Variants in USP15 observed in about 807,000 individuals in gnomAD.
USP15 encodes the protein ubiquitin carboxyl-terminal hydrolase 15.
Under a neutral mutation model 127.1 loss-of-function variants are expected in USP15, and 18 were observed. That is an observed-to-expected ratio of 0.14 (90% CI 0.10 to 0.21). The LOEUF (loss-of-function observed/expected upper bound fraction) is 0.21. USP15 is among the 10% of genes least tolerant of loss of function. The pLI is 1.00. For missense variants in USP15, 805 were observed against 1,159.9 expected (o/e 0.69, Z 4.44); for synonymous variants, 364 against 393.7 (o/e 0.92, Z 0.89).
chr12:62,262,516 A>T (rs1446296135), intron 1 of USP15, among the ~76,000 whole-genome samples: 1 of 152,222 alleles, frequency 6.6e-6, no homozygotes, highest in Non-Finnish European at 1.5e-5. Context: ...ACGTTTTTGT[A>T]TATAGAGTAA....
At chr12:62,296,681 C>T (rs1430547686) in intron 2 of USP15, among the ~76,000 whole-genome samples, 3 of 152,114 alleles carry the variant, frequency 2.0e-5, no homozygotes, top group Admixed American at 2.0e-4. Flanking sequence ...ACCCAAGATC[C>T]AGTTAAGAAT....
chr12:62,324,796 A>G (rs1042556729), intron 5 of USP15, among the ~76,000 whole-genome samples: 2 of 152,008 alleles, frequency 1.3e-5, no homozygotes, highest in African/African-American at 4.8e-5. Context: ...TTTTATTGTT[A>G]CATATACTCT....
At position 62,384,167 on chromosome 12, in the gene USP15, A is replaced by G; in HGVS notation, c.1338A>G (p.Leu446=). 6.2e-7 allele frequency: 1 copy of G among 1,613,012 alleles called. No individual in the cohort carries two copies. Among genetic ancestry groups the G allele is most frequent in the Non-Finnish European group, 8.5e-7 (1 of 1,179,294 alleles). Residue 446 remains leucine, a synonymous_variant, in exon 11 of 22, where the codon TTA becomes TTG. Coordinates refer to ENST00000280377, the MANE Select transcript of USP15 (RefSeq NM_001252078.2). ...TTCATGGCCTTTTCAAATCAACTTT[A>G]GTTTGTCCTGAGTGTGCTAAGATTT... ...DIFHGLFKST[L]VCPECAKISV...
At chr12:62,317,848 T>A (rs2064875292) in intron 4 of USP15, among the ~76,000 whole-genome samples, 1 of 152,214 alleles carries the variant, frequency 6.6e-6, no homozygotes, top group South Asian at 2.1e-4. Flanking sequence ...TGCCTTCAAA[T>A]GTTTTCTGCC....
intron 20 of USP15, 33 bp downstream of exon 20, chr12:62,396,431 A>G (rs774369556): frequency 1.3e-6 from 2 of 1,585,280 alleles, no homozygotes; most frequent in Admixed American, 1.7e-5. Context: ...TACCCAAATC[A>G]TGGTGTTTGA....
intron 8 of USP15, among the ~76,000 whole-genome samples, chr12:62,363,070 A>G (rs540250837): frequency 2.6e-4 from 39 of 152,166 alleles, no homozygotes; most frequent in Non-Finnish European, 4.1e-4. Flanking sequence ...AAGCCAGATC[A>G]TATAGGGAGA....
chr12:62,274,411 A>G (rs1458939177), intron 1 of USP15: 2 of 64,726 alleles, frequency 3.1e-5, no homozygotes, highest in Non-Finnish European at 6.9e-5. Context: ...TGTACAAATC[A>G]GCAACAACAA....
chr12:62,381,799 T>C, intron 9 of USP15, 136 bp downstream of exon 9: 5 of 692,222 alleles, frequency 7.2e-6, no homozygotes, highest in Non-Finnish European at 9.0e-6. Context: ...CATAAATAGA[T>C]ATACAGTACA....
chr12:62,286,775 TA>T (rs2063800094), intron 1 of USP15, among the ~76,000 whole-genome samples: 1 of 151,794 alleles, frequency 6.6e-6, no homozygotes. Flanking sequence ...CCGTCTCTAT[TA>T]AAAATACAAA....
intron 20 of USP15, among the ~76,000 whole-genome samples, chr12:62,398,288 T>C (rs939188873): frequency 6.6e-6 from 1 of 152,160 alleles, no homozygotes; most frequent in African/African-American, 2.4e-5. Flanking sequence ...CCACGACACC[T>C]GGCTTGTATG....
At chr12:62,336,240 C>T (rs1164566843) in intron 6 of USP15, 1 of 985,312 alleles carries the variant, frequency 1.0e-6, no homozygotes, top group African/African-American at 1.7e-5. Flanking sequence ...TATTTCTAGA[C>T]TAGACCACTT....
Position 62,381,804 on chromosome 12 carries a change from A to G in USP15, c.1089+141A>G, listed in dbSNP as rs2066999015. 3 of 634,974 alleles carry G rather than the reference A, an allele frequency of 4.7e-6. No individual in the cohort carries two copies. In the East Asian group the frequency reaches 9.1e-5, roughly 19 times the overall value. 39.3% of individuals were successfully genotyped at this position (634,974 alleles called of 1,614,324 possible). A position where few individuals can be genotyped will look rare whatever the true frequency, so the allele number is the denominator to read the frequency against. ...GAACACAGTACATAAATAGATATAC[A>G]GTACATCTGTGATATAAAATTTAGG... is the stretch of plus-strand genomic sequence containing the variant. On this transcript the variant is annotated intron_variant, in intron 9 of 21. Transcript: ENST00000280377.
Position 62,406,596 on chromosome 12 carries a change from A to C in USP15, c.*2221A>C, listed in dbSNP as rs1208724266. 6.6e-6 allele frequency: 1 copy of C among 152,146 alleles called. No individual in the cohort carries two copies. The highest frequency in any genetic ancestry group is 2.4e-5 in the African/African-American group (1 of 41,426). 9.4% of individuals were successfully genotyped at this position (152,146 alleles called of 1,614,324 possible). On this transcript the variant is annotated 3_prime_UTR_variant, in exon 22 of 22. Coordinates refer to ENST00000280377, the MANE Select transcript of USP15 (RefSeq NM_001252078.2). ...ATGCCATTGAAACTGCCAAACTCAAATGTCATTTTTCAGCTGCAAGAAGTA... is the reference window on the plus strand; with the variant it reads ...ATGCCATTGAAACTGCCAAACTCAACTGTCATTTTTCAGCTGCAAGAAGTA...
chr12:62,265,821 G>C (rs1471911395), intron 1 of USP15, among the ~76,000 whole-genome samples: 1 of 152,078 alleles, frequency 6.6e-6, no homozygotes, highest in African/African-American at 2.4e-5. Context: ...ATTAATAGCT[G>C]GGATTACAGG....
intron 3 of USP15, among the ~76,000 whole-genome samples, chr12:62,305,056 G>C (rs1002285655): frequency 1.3e-5 from 2 of 152,004 alleles, no homozygotes; most frequent in Non-Finnish European, 2.9e-5. Flanking sequence ...ACAGAAAAAA[G>C]CTAAGGCATA....
At chr12:62,323,381 G>A (rs534294718) in intron 5 of USP15, among the ~76,000 whole-genome samples, 160 of 152,064 alleles carry the variant, frequency 1.1e-3, no homozygotes, top group Non-Finnish European at 5.9e-4. Context: ...TCTGAGTTGT[G>A]GAAAAATTCA....
rs1277895364 is a variant in USP15, at chr12:62,413,644, G to C, written c.*9269G>C. On this transcript the variant is annotated 3_prime_UTR_variant, in exon 22 of 22. Transcript: ENST00000280377. ...CAGCTTCCTTACCTTAGCCTCCATA[G>C]AATTGAAGAGAGAGGGCCTTGCTCT... 2.6e-5 allele frequency: 4 copies of C among 151,990 alleles called. No homozygotes were observed. Among genetic ancestry groups the C allele is most frequent in the African/African-American group, 9.7e-5 (4 of 41,380 alleles). The allele number at this position is 151,990 out of a possible 1,614,324, so 9.4% of individuals were successfully genotyped here. A position where few individuals can be genotyped will look rare whatever the true frequency, so the allele number is the denominator to read the frequency against.
chr12:62,293,868 T>A (rs549546848), intron 1 of USP15, among the ~76,000 whole-genome samples: 11 of 152,346 alleles, frequency 7.2e-5, no homozygotes, highest in African/African-American at 2.4e-4. Flanking sequence ...ATTGCATTTT[T>A]AAATTTATTT....
At chr12:62,261,365 T>G (rs539354230) in intron 1 of USP15, among the ~76,000 whole-genome samples, 1 of 152,240 alleles carries the variant, frequency 6.6e-6, no homozygotes, top group Admixed American at 6.5e-5. Context: ...AACTTAAATA[T>G]GTGAATATGT....
Sources: gnomAD v4.1 joint callset for allele counts (sites outside exome capture counted in the v4.1 genomes callset) on GRCh38, gnomAD v4.1.1 for gene constraint, MANE v1.5 for transcripts, NCBI Gene and HGNC (gene_info 2026-07-23, HGNC 2026-07-21) for gene names.